RAPGEF2: variants seen among roughly 807,000 people sequenced by gnomAD.
RAPGEF2 encodes Rap guanine nucleotide exchange factor 2.
In RAPGEF2, 54 loss-of-function variants were observed where a neutral mutation model predicts 186.7. The ratio of observed to expected loss-of-function variants is 0.29; its 90% CI spans 0.23 to 0.36. The LOEUF (loss-of-function observed/expected upper bound fraction) is 0.36. Among genes scored for constraint, RAPGEF2 ranks in the 10% least tolerant of loss-of-function variants. The pLI is 1.00. For synonymous variants in RAPGEF2, 712 were observed against 705.9 expected, an observed-to-expected ratio of 1.01 and a Z score of -0.14; for missense variants, 1,532 against 2,045.0, an observed-to-expected ratio of 0.75 and a Z score of 4.84.
chr4:159,193,082 T>C (rs1748281941), intron 2 of RAPGEF2, 118 bp from the exon 3 acceptor site: 1 of 447,432 alleles, frequency 2.2e-6, no homozygotes, highest in African/African-American at 2.0e-5. Context: ...AATAAATGAT[T>C]GTGACAAACC....
intron 1 of RAPGEF2, among the ~76,000 whole-genome samples, chr4:159,157,289 G>C (rs965788584): frequency 4.6e-5 from 7 of 152,152 alleles, no homozygotes; most frequent in Non-Finnish European, 8.8e-5. Context: ...GAATGAAACT[G>C]CTGTGTGATA....
In RAPGEF2 at chr4:159,344,091, C is replaced by T. The variant is rs1175568437; in HGVS notation, c.3278+32C>T. ...GGTGGAGACCTTGCATACCCACACA[C>T]AGTTCTTATTCTGCTCATTGCATTG... is the stretch of plus-strand genomic sequence containing the variant. On this transcript the variant is annotated intron_variant, in intron 23 of 29. Coordinates refer to ENST00000691494, the MANE Select transcript of RAPGEF2 (RefSeq NM_001394067.2). 2.6e-6 allele frequency: 4 copies of T among 1,523,158 alleles called. No homozygotes were observed. The East Asian group carries it at 9.0e-5, about 34-fold the overall frequency. 94.4% of individuals were successfully genotyped at this position (1,523,158 alleles called of 1,614,324 possible).
At chr4:159,206,150 T>G (rs915707531) in intron 3 of RAPGEF2, among the ~76,000 whole-genome samples, 1 of 152,222 alleles carries the variant, frequency 6.6e-6, no homozygotes, top group Non-Finnish European at 1.5e-5. Context: ...CAGGATGGTC[T>G]CGATCTCCTG....
At chr4:159,304,530 A>C in intron 8 of RAPGEF2, 57 bp downstream of exon 8, 1 of 1,504,986 alleles carries the variant, frequency 6.6e-7, no homozygotes, top group South Asian at 1.2e-5. Context: ...AAGAAATTTT[A>C]AGGTTCTCAG....
At chr4:159,294,248 T>G (rs1004356738) in intron 7 of RAPGEF2, among the ~76,000 whole-genome samples, 9 of 152,184 alleles carry the variant, frequency 5.9e-5, no homozygotes, top group African/African-American at 9.7e-5. Flanking sequence ...ATAGGAATCT[T>G]TTTTCTTTGA....
At chr4:159,271,165 G>T (rs1758079983) in intron 7 of RAPGEF2, among the ~76,000 whole-genome samples, 1 of 151,914 alleles carries the variant, frequency 6.6e-6, no homozygotes. Context: ...TTTTAAAGTG[G>T]AGCTCTTCTC....
At chr4:159,186,483 C>G (rs1747569472) in intron 1 of RAPGEF2, among the ~76,000 whole-genome samples, 159 bp from the exon 2 acceptor site, 1 of 152,006 alleles carries the variant, frequency 6.6e-6, no homozygotes, top group South Asian at 2.1e-4. Context: ...ATTTGTACAA[C>G]TGAGCTTTTA....
chr4:159,201,650 G>C (rs1190267726), intron 3 of RAPGEF2, among the ~76,000 whole-genome samples: 3 of 152,236 alleles, frequency 2.0e-5, no homozygotes, highest in East Asian at 1.9e-4. Context: ...CTGTAGCAAA[G>C]GGTTTCGATA....
At chr4:159,126,320 T>C (rs925889774) in intron 1 of RAPGEF2, among the ~76,000 whole-genome samples, 1 of 152,132 alleles carries the variant, frequency 6.6e-6, no homozygotes, top group African/African-American at 2.4e-5. Context: ...CAAAATAGCA[T>C]AGGAGAGAGC....
rs555383018 is a variant in RAPGEF2, at chr4:159,104,403, C to T, written c.69+172C>T. On this transcript the variant is annotated intron_variant, in intron 1 of 29. Transcript: ENST00000691494. ...CCTCCGAGTCTTTTACTCCGCCTAT[C>T]CTGGTTTTATTTTTCCCTCTCCTTG... Among the ~76,000 whole-genome samples the T allele has an allele frequency of 7.3e-5, 11 of 151,168 alleles. No individual in the cohort carries two copies. In the South Asian group the frequency reaches 1.9e-3, roughly 26 times the overall value.
At chr4:159,146,810 A>C (rs1441884204) in intron 1 of RAPGEF2, among the ~76,000 whole-genome samples, 1 of 152,184 alleles carries the variant, frequency 6.6e-6, no homozygotes. Flanking sequence ...CCCAGCTTTC[A>C]TAATTTTTAA....
intron 24 of RAPGEF2, 80 bp downstream of exon 24, chr4:159,345,409 A>G: frequency 7.5e-7 from 1 of 1,329,338 alleles, no homozygotes; most frequent in Non-Finnish European, 1.1e-6. Context: ...GGCAGTGACA[A>G]AATAAGGCTT....
chr4:159,260,849 A>G (rs1756752876), intron 7 of RAPGEF2, among the ~76,000 whole-genome samples: 1 of 152,028 alleles, frequency 6.6e-6, no homozygotes, highest in African/African-American at 2.4e-5. Flanking sequence ...CCCAGGTTCA[A>G]GTGATTCTCC....
rs1252537770 is a variant in RAPGEF2 at position 159,211,703 on chromosome 4, G to A, written c.281+1120G>A. 1.3e-5 allele frequency among the ~76,000 whole-genome samples: 2 copies of A among 152,214 alleles called. 1 individual carries two copies. Among genetic ancestry groups the A allele is most frequent in the Admixed American group, 1.3e-4 (2 of 15,286 alleles). Reference sequence around the variant, plus strand: ...TTTTGGTGGCCAGAATGCTAGTGAAGGAGTGCCAGAGGCACGTTGCATTTA... The same window carrying A: ...TTTTGGTGGCCAGAATGCTAGTGAAAGAGTGCCAGAGGCACGTTGCATTTA... On this transcript the variant is annotated intron_variant, in intron 4 of 29. Coordinates refer to ENST00000691494, the MANE Select transcript of RAPGEF2 (RefSeq NM_001394067.2).
intron 7 of RAPGEF2, among the ~76,000 whole-genome samples, chr4:159,269,481 A>G (rs1414003222): frequency 3.3e-5 from 5 of 152,120 alleles, no homozygotes; most frequent in Non-Finnish European, 7.3e-5. Flanking sequence ...GGTTGTTGTA[A>G]AGAAGTTCCA....
In RAPGEF2 at chr4:159,104,002, G is replaced by C. The variant is rs1253578904; in HGVS notation, c.-161G>C. 1.8e-5 allele frequency: 3 copies of C among 171,210 alleles called. No homozygotes were observed. The highest frequency in any genetic ancestry group is 3.5e-5 in the Non-Finnish European group (3 of 86,166). The allele number at this position is 171,210 out of a possible 1,614,324, so 10.6% of individuals were successfully genotyped here. On this transcript the variant is annotated 5_prime_UTR_variant, in exon 1 of 30. Transcript: ENST00000691494. The stretch of plus-strand genomic sequence containing the variant: ...GCTCTCGGCCGCCGGGCCCAGCCGA[G>C]CCGCCCCCCCGCGGGCCCCGCGCCG...
At chr4:159,126,683 T>G (rs1740337233) in intron 1 of RAPGEF2, among the ~76,000 whole-genome samples, 1 of 152,232 alleles carries the variant, frequency 6.6e-6, no homozygotes, top group African/African-American at 2.4e-5. Context: ...CCCACACTTA[T>G]CCTTTTCCCC....
chr4:159,187,509 C>T (rs1388919721), intron 2 of RAPGEF2, among the ~76,000 whole-genome samples: 1 of 152,108 alleles, frequency 6.6e-6, no homozygotes, highest in African/African-American at 2.4e-5. Flanking sequence ...ATTACTAGGT[C>T]CATTATTTTA....
chr4:159,265,751 A>C (rs1757354492), intron 7 of RAPGEF2, among the ~76,000 whole-genome samples: 1 of 152,246 alleles, frequency 6.6e-6, no homozygotes, highest in Non-Finnish European at 1.5e-5. Flanking sequence ...GAATCCAGAC[A>C]GTTCCTTAAG....
Sources: gnomAD v4.1 joint callset for allele counts (sites outside exome capture counted in the v4.1 genomes callset) on GRCh38, gnomAD v4.1.1 for gene constraint, MANE v1.5 for transcripts, NCBI Gene and HGNC (gene_info 2026-07-23, HGNC 2026-07-21) for gene names.